The following MECR variants were observed in gnomAD, a reference collection of about 807,000 sequenced individuals.
The protein encoded by MECR is enoyl-[acyl-carrier-protein] reductase, mitochondrial.
Under a neutral mutation model 49.1 loss-of-function variants are expected in MECR, and 37 were observed. The observed-to-expected ratio is 0.75, with a 90% CI of 0.58 to 0.99. MECR has a LOEUF of 0.99. Among genes scored for constraint, MECR ranks in the 50% least tolerant of loss-of-function variants. The pLI is 0.00. For synonymous variants in MECR, 198 were observed against 191.1 expected, an observed-to-expected ratio of 1.04 and a Z score of -0.30; for missense variants, 470 against 479.6, an observed-to-expected ratio of 0.98 and a Z score of 0.19.
At chr1:29,213,311 C>T (rs1565715) in intron 3 of MECR, among the ~76,000 whole-genome samples, 15,151 of 152,272 alleles carry the variant, frequency 0.099, 964 homozygotes, top group African/African-American at 0.18. Context: ...GCTCCTTCAC[C>T]GCCAGGTGGG....
intron 4 of MECR, among the ~76,000 whole-genome samples, chr1:29,206,405 C>G (rs1676579140): frequency 6.6e-6 from 1 of 152,192 alleles, no homozygotes; most frequent in Non-Finnish European, 1.5e-5. Context: ...ATTATTAACA[C>G]TAAGTTCAGC....
In MECR at chr1:29,196,247, G is replaced by A. The variant is rs1187769319; in HGVS notation, c.842C>T (p.Thr281Ile). Residue 281 changes from threonine to isoleucine, a missense_variant, in exon 8 of 10, where the codon ACC (threonine) becomes ATC (isoleucine). Thr to Ile is a moderately conservative substitution (Grantham distance 89). Transcript: ENST00000263702. ...ELLRQLARGG[T>I]MVTYGGMAKQ... ...GGCCATCCCCCCATAGGTTACCATG[G>A]TTCCTCCACGCCTGAAAAGTCCAAA... is the stretch of plus-strand genomic sequence containing the variant. 1 of 1,612,690 alleles carries A rather than the reference G, an allele frequency of 6.2e-7. No individual in the cohort carries two copies. The highest frequency in any genetic ancestry group is 2.2e-5 in the East Asian group (1 of 44,846).
the MECR span, chr1:29,173,211 C>G: frequency 7.2e-6 from 1 of 139,414 alleles, no homozygotes; most frequent in Admixed American, 7.7e-5. Flanking sequence ...GATCTCGGCT[C>G]ACTGCAAGCT....
Position 29,193,752 on chromosome 1 carries a change from G to T in MECR, c.*270C>A. On this transcript the variant is annotated 3_prime_UTR_variant, in exon 10 of 10. Transcript: ENST00000263702. ...CACATGACAGAAAAGCAGGAAGGGG[G>T]CCTCTTGGTGCTGTGAGCTGACCAG... is the stretch of plus-strand genomic sequence containing the variant. The T allele has an allele frequency of 2.7e-6, 1 of 373,036 alleles. No homozygotes were observed. Among genetic ancestry groups the T allele is most frequent in the Non-Finnish European group, 4.9e-6 (1 of 205,550 alleles). 23.1% of individuals were successfully genotyped at this position (373,036 alleles called of 1,614,324 possible). A position where few individuals can be genotyped will look rare whatever the true frequency, so the allele number is the denominator to read the frequency against.
chr1:29,210,278 C>T (rs1489895384), intron 3 of MECR, among the ~76,000 whole-genome samples: 2 of 152,204 alleles, frequency 1.3e-5, no homozygotes, highest in African/African-American at 4.8e-5. Flanking sequence ...TCCCAAAGTG[C>T]TGGGATTATA....
the MECR span, among the ~76,000 whole-genome samples, chr1:29,178,697 TC>T: frequency 6.6e-6 from 1 of 152,178 alleles, no homozygotes; most frequent in Non-Finnish European, 1.5e-5. Flanking sequence ...CAAACATGCT[TC>T]CCAGTAGGGA....
the MECR span, chr1:29,181,495 C>G: frequency 3.6e-5 from 22 of 608,600 alleles, no homozygotes; most frequent in Non-Finnish European, 5.3e-5. Flanking sequence ...CGGGGCCTAC[C>G]CGCGCCCCCG....
chr1:29,183,407 CTA>C, the MECR span, among the ~76,000 whole-genome samples: 1 of 152,016 alleles, frequency 6.6e-6, no homozygotes, highest in Non-Finnish European at 1.5e-5. Context: ...CTCTCTCTCT[CTA>C]TATATATCAT....
chr1:29,197,980 G>T (rs900860706), intron 7 of MECR, among the ~76,000 whole-genome samples: 1 of 152,190 alleles, frequency 6.6e-6, no homozygotes, highest in African/African-American at 2.4e-5. Context: ...CACCAGGACC[G>T]GTTTCATGGA....
the MECR span, among the ~76,000 whole-genome samples, chr1:29,175,617 C>T: frequency 2.9e-5 from 4 of 137,374 alleles, no homozygotes; most frequent in Admixed American, 1.6e-4. Flanking sequence ...ATGGCGTGAA[C>T]CCAGGAGGCG....
the MECR span, chr1:29,168,505 T>C: frequency 1.3e-5 from 2 of 152,178 alleles, no homozygotes; most frequent in Admixed American, 6.5e-5. Flanking sequence ...AAATTGACCT[T>C]GGGGCAGGGT....
At chr1:29,170,240 A>G in the MECR span, 321 of 152,226 alleles carry the variant, frequency 2.1e-3, no homozygotes, top group African/African-American at 7.3e-3. Context: ...ACCACAAATT[A>G]AAAACGATTT....
Position 29,216,018 on chromosome 1 carries a change from T to C in MECR, c.393A>G (p.Ala131=), listed in dbSNP as rs1319707707. The C allele has an allele frequency of 1.1e-5, 17 of 1,614,004 alleles. No homozygotes were observed. Among genetic ancestry groups the C allele is most frequent in the Non-Finnish European group, 1.2e-5 (14 of 1,179,978 alleles). Reference sequence around the variant, plus strand: ...GGAGAAACTCACCTAAACCAGCATTTGCTGGAATCACCCAGTCTCCTGGCT... The same window carrying C: ...GGAGAAACTCACCTAAACCAGCATTCGCTGGAATCACCCAGTCTCCTGGCT... ...GLKPGDWVIP[A]NAGLGTWRTE... The change falls in exon 3 of 10, where the codon GCA becomes GCG. Residue 131 remains alanine (A), a synonymous_variant. Transcript: ENST00000263702.
Position 29,230,824 on chromosome 1 carries a change from C to T in MECR, c.83G>A (p.Gly28Glu), listed in dbSNP as rs774364128. The part of the protein sequence containing the change: ...RGLLPASGCH[G>E]PAASSYSASA... ...TGCGGAGTAGGAGGAGGCGGCAGGT[C>T]CGTGACAGCCAGAAGCTGGGAGCAG... is the stretch of plus-strand genomic sequence containing the variant. Residue 28 changes from glycine to glutamate, a missense_variant, in exon 1 of 10, where the codon GGA (glycine) becomes GAA (glutamate). Transcript: ENST00000263702. The T allele has an allele frequency of 2.9e-5, 46 of 1,608,468 alleles. No homozygotes were observed. The highest frequency in any genetic ancestry group is 3.6e-5 in the Non-Finnish European group (43 of 1,178,996).
At chr1:29,198,461 C>T (rs1052745964) in intron 7 of MECR, among the ~76,000 whole-genome samples, 4 of 152,364 alleles carry the variant, frequency 2.6e-5, no homozygotes, top group South Asian at 2.1e-4. Flanking sequence ...CCCGTAACAA[C>T]GCTTCCCCCT....
chr1:29,214,960 A>C (rs1679005276), intron 3 of MECR, among the ~76,000 whole-genome samples: 1 of 152,130 alleles, frequency 6.6e-6, no homozygotes, highest in Non-Finnish European at 1.5e-5. Context: ...TATCAAACAA[A>C]ATCCTACTCA....
chr1:29,174,743 G>A, the MECR span, among the ~76,000 whole-genome samples: 3 of 147,250 alleles, frequency 2.0e-5, no homozygotes, highest in African/African-American at 7.5e-5. Context: ...GCCCGATCTA[G>A]GCTCATTGCA....
the MECR span, among the ~76,000 whole-genome samples, chr1:29,175,766 G>T: frequency 1.3e-5 from 2 of 149,706 alleles, no homozygotes; most frequent in East Asian, 2.0e-4. Context: ...TTAAGAGTGG[G>T]TCTTTAATTT....
At chr1:29,215,863 C>T in intron 3 of MECR, 142 bp downstream of exon 3, 1 of 1,054,704 alleles carries the variant, frequency 9.5e-7, no homozygotes, top group Non-Finnish European at 1.3e-6. Context: ...AAGAGCAAAA[C>T]TCCGTCTCAA....
Sources: allele counts gnomAD v4.1 joint callset (sites outside exome capture counted in the v4.1 genomes callset), GRCh38; gene constraint gnomAD v4.1.1; transcripts MANE v1.5; gene names NCBI Gene and HGNC (gene_info 2026-07-23, HGNC 2026-07-21).